CTSH: variants seen among roughly 807,000 people sequenced by gnomAD.
CTSH encodes the protein cathepsin H, also known as pro-cathepsin H.
CTSH carries 52 observed loss-of-function variants against 56.3 expected under a neutral mutation model. The ratio of observed to expected loss-of-function variants is 0.92; its 90% CI spans 0.74 to 1.16. The LOEUF is 1.16. Ranked by LOEUF, CTSH falls within the 50% of genes most tolerant of loss-of-function variation. The pLI is 0.00. For missense variants in CTSH, 406 were observed against 424.5 expected (o/e 0.96, Z 0.38); for synonymous variants, 174 against 155.7 (o/e 1.12, Z -0.88).
intron 10 of CTSH, 21 bp from the exon 11 acceptor site, chr15:78,923,139 AGAG>A: frequency 6.2e-7 from 1 of 1,612,832 alleles, no homozygotes; most frequent in Non-Finnish European, 8.5e-7. Context: ...AAATTCAAAA[AGAG>A]GTGATCATAT....
chr15:78,935,643 A>G (rs921955385), intron 4 of CTSH, 37 bp downstream of exon 4: 1 of 1,551,418 alleles, frequency 6.4e-7, no homozygotes, highest in Non-Finnish European at 8.9e-7. Context: ...GGTTTCAGTA[A>G]AAGGATTCAG....
chr15:78,922,956 A>C, intron 11 of CTSH, 37 bp downstream of exon 11: 1 of 1,588,114 alleles, frequency 6.3e-7, no homozygotes, highest in South Asian at 1.2e-5. Context: ...CCTGAGCAAC[A>C]TCCCCCTCCC....
In CTSH at chr15:78,931,505, G is replaced by C. The variant is rs61731865; in HGVS notation, c.494C>G (p.Ala165Gly). Residue 165 changes from alanine to glycine, a missense_variant and splice_region_variant, in exon 7 of 12, where the codon GCG (alanine) becomes GGG (glycine). Transcript: ENST00000220166. ...GGCGCAGTCCACCAGCTGCTGTTCC[G>C]CCTGGAAGAAGGACACAACCCAGTG... is the stretch of plus-strand genomic sequence containing the variant. ...AIATGKMLSL[A>G]EQQLVDCAQD... The C allele has an allele frequency of 1.1e-4, 178 of 1,614,200 alleles. No homozygotes were observed. In the African/African-American group the frequency reaches 2.1e-3, roughly 19 times the overall value.
At chr15:78,928,260 G>A (rs2054958089) in intron 8 of CTSH, among the ~76,000 whole-genome samples, 1 of 152,098 alleles carries the variant, frequency 6.6e-6, no homozygotes, top group African/African-American at 2.4e-5. Flanking sequence ...GGCTGGGCCT[G>A]GGCGTGAGGT....
chr15:78,927,460 C>G, intron 9 of CTSH: 1 of 546,984 alleles, frequency 1.8e-6, no homozygotes, highest in Admixed American at 3.2e-5. Context: ...AGCAAGAAAA[C>G]AGAACCAAAA....
At chr15:78,935,555 CTG>C (rs1197905999) in intron 4 of CTSH, 123 bp downstream of exon 4, 1 of 740,542 alleles carries the variant, frequency 1.4e-6, no homozygotes. Context: ...CCCAAAGAAT[CTG>C]GGGATACCCT....
chr15:78,927,666 T>G lies in CTSH; in HGVS notation c.699+47A>C, dbSNP rs755425429. 6.4e-6 allele frequency: 10 copies of G among 1,563,330 alleles called. No individual in the cohort carries two copies. In the East Asian group the frequency reaches 6.7e-5, roughly 11 times the overall value. The stretch of plus-strand genomic sequence containing the variant: ...GCTATCCGACAGCATGAGAGAGGCC[T>G]CCTCATCAGGACACATTCCCCATCC... On this transcript the variant is annotated intron_variant, in intron 9 of 11. Coordinates refer to ENST00000220166, the MANE Select transcript of CTSH (RefSeq NM_004390.5).
chr15:78,932,258 G>T lies in CTSH; in HGVS notation c.492+114C>A, dbSNP rs990578048. 3.7e-5 allele frequency: 35 copies of T among 952,954 alleles called. No individual in the cohort carries two copies. In the African/African-American group the frequency reaches 5.4e-4, roughly 15 times the overall value. The allele number at this position is 952,954 out of a possible 1,614,324, so 59.0% of individuals were successfully genotyped here. On this transcript the variant is annotated intron_variant, in intron 6 of 11. Coordinates refer to ENST00000220166, the MANE Select transcript of CTSH (RefSeq NM_004390.5). ...ATGTCCACAAGGCTGGGGCATCTGG[G>T]TCCACCTGAAACAGCACCCTTAGCC...
chr15:78,939,499 G>A (rs2055244077), intron 1 of CTSH, among the ~76,000 whole-genome samples: 2 of 152,180 alleles, frequency 1.3e-5, no homozygotes, highest in Admixed American at 1.3e-4. Context: ...TTAACTGAGT[G>A]TGTTTAGATT....
At chr15:78,942,813 A>G (rs2055323284) in intron 1 of CTSH, among the ~76,000 whole-genome samples, 1 of 152,200 alleles carries the variant, frequency 6.6e-6, no homozygotes, top group African/African-American at 2.4e-5. Context: ...CACTTGAAAT[A>G]TCTTCCTGTT....
In CTSH at chr15:78,935,223, G is replaced by A. The variant is rs188780244; in HGVS notation, c.301-141C>T. 1.2e-4 allele frequency: 77 copies of A among 635,500 alleles called. No homozygotes were observed. The African/African-American group carries it at 1.3e-3, about 11-fold the overall frequency. The allele number at this position is 635,500 out of a possible 1,614,324, so 39.4% of individuals were successfully genotyped here. A position where few individuals can be genotyped will look rare whatever the true frequency, so the allele number is the denominator to read the frequency against. ...CAGCTCTCAGAACCTTCCCTCTCCTGTCTACTGGTCCCAAGTGCTAAATGA... is the reference window on the plus strand; with the variant it reads ...CAGCTCTCAGAACCTTCCCTCTCCTATCTACTGGTCCCAAGTGCTAAATGA... On this transcript the variant is annotated intron_variant, in intron 4 of 11. Transcript: ENST00000220166.
At chr15:78,938,287 T>G (rs2055218219) in intron 2 of CTSH, among the ~76,000 whole-genome samples, 1 of 152,114 alleles carries the variant, frequency 6.6e-6, no homozygotes, top group African/African-American at 2.4e-5. Context: ...GAGAATCGCT[T>G]GAACCCAGAA....
At chr15:78,926,198 T>C (rs1481450166) in intron 9 of CTSH, 1 of 152,346 alleles carries the variant, frequency 6.6e-6, no homozygotes, top group Non-Finnish European at 1.5e-5. Flanking sequence ...AGGGCCCTAC[T>C]GAAGGAAAGC....
chr15:78,937,214 C>G, intron 3 of CTSH, 104 bp downstream of exon 3: 1 of 852,794 alleles, frequency 1.2e-6, no homozygotes, highest in Non-Finnish European at 1.9e-6. Flanking sequence ...AGCTTCAGAG[C>G]CTGGGCTTCT....
At chr15:78,924,911 G>A (rs1475076376) in intron 10 of CTSH, among the ~76,000 whole-genome samples, 1 of 151,300 alleles carries the variant, frequency 6.6e-6, no homozygotes, top group African/African-American at 2.4e-5. Flanking sequence ...GGCCAGGCTG[G>A]TCTTGAACTC....
intron 1 of CTSH, among the ~76,000 whole-genome samples, chr15:78,941,698 A>G (rs1229928654): frequency 6.6e-6 from 1 of 151,280 alleles, no homozygotes; most frequent in African/African-American, 2.4e-5. Context: ...CAGGAGGCTG[A>G]GGCAGGAGAA....
At position 78,928,294 on chromosome 15, in the gene CTSH, A is replaced by G. The variant is rs566150150; in HGVS notation, c.631-513T>C. Among the ~76,000 whole-genome samples the G allele has an allele frequency of 2.6e-4, 39 of 152,088 alleles. 1 individual carries two copies. The highest frequency in any genetic ancestry group is 2.1e-4 in the South Asian group (1 of 4,810). The stretch of plus-strand genomic sequence containing the variant: ...GTTAAGAAGGGAGAGTTGGCCGGGC[A>G]CGGTGGCTCACGCCTGTAATCACAG... On this transcript the variant is annotated intron_variant, in intron 8 of 11. Transcript: ENST00000220166.
rs766353740 is a variant in CTSH at position 78,927,725 on chromosome 15, G to A, written c.687C>T (p.Ala229=). ...GKAIGFVKDV[A]NITIYDEEAM... ...GATCGGCACTCACGATTGTGATGTT[G>A]GCTACATCCTTGACAAAGCCGATGG... Residue 229 remains alanine (A), a synonymous_variant, in exon 9 of 12, where the codon GCC becomes GCT. Coordinates refer to ENST00000220166, the MANE Select transcript of CTSH (RefSeq NM_004390.5). The A allele has an allele frequency of 3.1e-6, 5 of 1,614,086 alleles. No individual in the cohort carries two copies. The highest frequency in any genetic ancestry group is 1.7e-5 in the Admixed American group (1 of 60,018).
rs574188880 is a variant in CTSH, at chr15:78,924,461, C to T, written c.806+873G>A. Reference sequence around the variant, plus strand: ...TCAGGGAGGGAGAGGAGAGCACAGACGTGAGTGACATTAGTGAGTGACGTT... The same window carrying T: ...TCAGGGAGGGAGAGGAGAGCACAGATGTGAGTGACATTAGTGAGTGACGTT... On this transcript the variant is annotated intron_variant, in intron 10 of 11. Transcript: ENST00000220166. 3.5e-4 allele frequency among the ~76,000 whole-genome samples: 53 copies of T among 152,066 alleles called. 1 individual carries two copies. The highest frequency in any genetic ancestry group is 2.3e-3 in the South Asian group (11 of 4,818).
Sources: gnomAD v4.1 joint callset for allele counts (sites outside exome capture counted in the v4.1 genomes callset) on GRCh38, gnomAD v4.1.1 for gene constraint, MANE v1.5 for transcripts, NCBI Gene and HGNC (gene_info 2026-07-23, HGNC 2026-07-21) for gene names.